The following COPG2 variants were observed in gnomAD, a reference collection of about 807,000 sequenced individuals.
The protein encoded by COPG2 is coatomer subunit gamma-2.
Under a neutral mutation model 46.3 loss-of-function variants are expected in COPG2, and 37 were observed. That is an observed-to-expected ratio of 0.80 (90% CI 0.61 to 1.05). COPG2 has a LOEUF of 1.05. COPG2 is among the 50% of genes least tolerant of loss of function. The probability of loss-of-function intolerance (pLI) is 0.00; values close to 1 mark genes in which losing one functional copy is unlikely to be tolerated. For synonymous variants in COPG2, 159 were observed against 129.7 expected, an observed-to-expected ratio of 1.23 and a Z score of -1.53; for missense variants, 427 against 387.8, an observed-to-expected ratio of 1.10 and a Z score of -0.85.
At chr7:130,601,194 T>C (rs1048596881) in intron 9 of COPG2, among the ~76,000 whole-genome samples, 23 of 152,168 alleles carry the variant, frequency 1.5e-4, no homozygotes, top group Admixed American at 2.0e-4. Context: ...TGTGGAGAAA[T>C]AGGAACTCTT....
intron 5 of COPG2, among the ~76,000 whole-genome samples, chr7:130,632,918 C>A (rs1349782791): frequency 6.6e-6 from 1 of 152,062 alleles, no homozygotes; most frequent in Non-Finnish European, 1.5e-5. Flanking sequence ...AGACAGGCCC[C>A]GGTGTGTGAT....
intron 20 of COPG2, among the ~76,000 whole-genome samples, chr7:130,529,003 C>A (rs1799800157): frequency 6.6e-6 from 1 of 152,048 alleles, no homozygotes; most frequent in Admixed American, 6.5e-5. Flanking sequence ...GATGCTGGCA[C>A]CTTGGAAAAG....
intron 9 of COPG2, among the ~76,000 whole-genome samples, chr7:130,601,434 C>T (rs1293808242): frequency 6.6e-6 from 1 of 152,178 alleles, no homozygotes; most frequent in Non-Finnish European, 1.5e-5. Flanking sequence ...CAATGATAGA[C>T]TGGGTAAAGA....
chr7:130,544,391 G>A (rs2116375808), intron 20 of COPG2, among the ~76,000 whole-genome samples: 2 of 152,210 alleles, frequency 1.3e-5, no homozygotes, highest in Non-Finnish European at 2.9e-5. Flanking sequence ...TCATTATATG[G>A]CAGGCAATAT....
intron 20 of COPG2, among the ~76,000 whole-genome samples, chr7:130,513,330 T>A (rs1799636695): frequency 2.5e-5 from 2 of 80,056 alleles, no homozygotes; most frequent in Non-Finnish European, 5.6e-5. Flanking sequence ...TATATATATA[T>A]ATATATATAT....
chr7:130,605,522 C>T (rs1340739271), intron 9 of COPG2, among the ~76,000 whole-genome samples: 1 of 152,184 alleles, frequency 6.6e-6, no homozygotes, highest in Non-Finnish European at 1.5e-5. Flanking sequence ...TGCAGCTCAA[C>T]ACACTATTGC....
intron 21 of COPG2, 150 bp downstream of exon 21, chr7:130,508,412 G>A (rs1799539065): frequency 5.0e-6 from 3 of 602,830 alleles, no homozygotes; most frequent in Non-Finnish European, 8.9e-6. Context: ...AGGAGGGTTA[G>A]TCCAGGTCCT....
At chr7:130,612,125 C>T in intron 8 of COPG2, 27 bp downstream of exon 8, 1 of 1,497,796 alleles carries the variant, frequency 6.7e-7, no homozygotes, top group Non-Finnish European at 9.3e-7. Flanking sequence ...GATCCTGAGA[C>T]AAGCTAATGT....
Position 130,537,669 on chromosome 7 carries a change from A to G in COPG2, c.2149+10005T>C, listed in dbSNP as rs899217973. Among the ~76,000 whole-genome samples, 105 of 152,264 alleles carry G rather than the reference A, an allele frequency of 6.9e-4. 1 individual carries two copies. Among genetic ancestry groups the G allele is most frequent in the East Asian group, 5.6e-3 (29 of 5,160 alleles). ...CAGGTTATGGAGGCCAGCAGCTTACAGAGGTGAGCTTGTTGAGAGGATCAG... is the reference window on the plus strand; with the variant it reads ...CAGGTTATGGAGGCCAGCAGCTTACGGAGGTGAGCTTGTTGAGAGGATCAG... On this transcript the variant is annotated intron_variant, in intron 20 of 23. Coordinates refer to ENST00000425248, the MANE Select transcript of COPG2 (RefSeq NM_012133.6).
At chr7:130,646,130 G>A (rs1040184388) in intron 5 of COPG2, among the ~76,000 whole-genome samples, 1 of 152,194 alleles carries the variant, frequency 6.6e-6, no homozygotes, top group African/African-American at 2.4e-5. Flanking sequence ...CAATCTAGAT[G>A]CAATAGTTTT....
intron 20 of COPG2, among the ~76,000 whole-genome samples, chr7:130,516,460 G>A (rs1799678916): frequency 6.6e-6 from 1 of 152,202 alleles, no homozygotes. Flanking sequence ...GGGACATTAA[G>A]GATGTACTCA....
At chr7:130,611,774 A>C (rs930753967) in intron 8 of COPG2, among the ~76,000 whole-genome samples, 1 of 152,230 alleles carries the variant, frequency 6.6e-6, no homozygotes, top group Non-Finnish European at 1.5e-5. Flanking sequence ...AAATGGTTTC[A>C]AAGTTTCATA....
intron 5 of COPG2, among the ~76,000 whole-genome samples, chr7:130,647,098 T>C (rs1795627990): frequency 6.6e-6 from 1 of 151,638 alleles, no homozygotes; most frequent in South Asian, 2.1e-4. Context: ...TGGAGTGCAG[T>C]GGTGAGATCC....
intron 9 of COPG2, among the ~76,000 whole-genome samples, chr7:130,596,535 GC>G (rs1433962865): frequency 3.3e-5 from 5 of 152,244 alleles, no homozygotes; most frequent in Non-Finnish European, 7.4e-5. Context: ...TGAAAGCAAA[GC>G]CCCAGGGGCC....
At chr7:130,603,467 C>A (rs969993331) in intron 9 of COPG2, among the ~76,000 whole-genome samples, 14 of 152,072 alleles carry the variant, frequency 9.2e-5, no homozygotes, top group Non-Finnish European at 1.8e-4. Flanking sequence ...TGCCTGTAAT[C>A]CCAGCACTTT....
At chr7:130,667,378 G>A (rs1222205926) in intron 2 of COPG2, 104 bp downstream of exon 2, 3 of 875,316 alleles carry the variant, frequency 3.4e-6, no homozygotes, top group African/African-American at 3.4e-5. Flanking sequence ...ACTCTGTTAC[G>A]TTTCTTGTTT....
chr7:130,551,258 G>A lies in COPG2; in HGVS notation c.1631C>T (p.Ala544Val). The change falls in exon 16 of 24, where the codon GCC becomes GTC. Residue 544 changes from alanine (A) to valine (V), a missense_variant. Coordinates refer to ENST00000425248, the MANE Select transcript of COPG2 (RefSeq NM_012133.6). ...TCACTGACCATTAAAGATATATGTGGCATTTAGTGCCATCTGCCTCTGCTG... is the reference window on the plus strand; with the variant it reads ...TCACTGACCATTAAAGATATATGTGACATTTAGTGCCATCTGCCTCTGCTG... ...VLQQRQMALNATYIFNGLTVS... is the reference protein window; with the variant it reads ...VLQQRQMALNVTYIFNGLTVS... 5.0e-6 allele frequency: 2 copies of A among 398,526 alleles called. No individual in the cohort carries two copies. Among genetic ancestry groups the A allele is most frequent in the Non-Finnish European group, 8.8e-6 (2 of 226,004 alleles). 24.7% of individuals were successfully genotyped at this position (398,526 alleles called of 1,614,324 possible). A position where few individuals can be genotyped will look rare whatever the true frequency, so the allele number is the denominator to read the frequency against.
intron 9 of COPG2, among the ~76,000 whole-genome samples, chr7:130,604,018 A>C (rs1350773449): frequency 1.3e-5 from 2 of 152,226 alleles, no homozygotes; most frequent in Non-Finnish European, 1.5e-5. Flanking sequence ...AAGGAAGAGA[A>C]GATATAACTA....
intron 1 of COPG2, among the ~76,000 whole-genome samples, chr7:130,668,173 C>A (rs1264079884): frequency 3.3e-5 from 5 of 152,178 alleles, no homozygotes; most frequent in Non-Finnish European, 7.3e-5. Context: ...GAGCCGGTGA[C>A]CCCAGGAAAA....
Sources: gnomAD v4.1 joint callset for allele counts (sites outside exome capture counted in the v4.1 genomes callset) on GRCh38, gnomAD v4.1.1 for gene constraint, MANE v1.5 for transcripts, NCBI Gene and HGNC (gene_info 2026-07-23, HGNC 2026-07-21) for gene names.